The following NPY variants were observed in gnomAD, a reference collection of about 807,000 sequenced individuals.
The protein encoded by NPY is pro-neuropeptide Y.
NPY carries 11 observed loss-of-function variants against 13.2 expected under a neutral mutation model. The ratio of observed to expected loss-of-function variants is 0.83; its 90% CI spans 0.52 to 1.38. The LOEUF (loss-of-function observed/expected upper bound fraction) is 1.38, where lower values mean the gene tolerates loss of function less well. NPY is among the 40% of genes most tolerant of loss of function. The pLI is 0.00. For synonymous variants in NPY, 51 were observed against 55.6 expected (o/e 0.92, Z 0.37); for missense variants, 109 against 125.1 (o/e 0.87, Z 0.61).
intron 3 of NPY, among the ~76,000 whole-genome samples, chr7:24,289,946 G>C (rs754213432): frequency 3.3e-5 from 5 of 152,126 alleles, no homozygotes; most frequent in Non-Finnish European, 5.9e-5. Context: ...CTCTGGCTGG[G>C]AAGATCTGTA....
intron 2 of NPY, among the ~76,000 whole-genome samples, chr7:24,286,567 T>C (rs1186821638): frequency 6.6e-6 from 1 of 152,210 alleles, no homozygotes; most frequent in African/African-American, 2.4e-5. Flanking sequence ...GGAAGATTTA[T>C]ACTTTTAAAA....
chr7:24,285,314 T>G lies in NPY; in HGVS notation c.74T>G (p.Leu25Arg), dbSNP rs1347353614. 43 of 1,613,890 alleles carry G rather than the reference T, an allele frequency of 2.7e-5. No homozygotes were observed. The highest frequency in any genetic ancestry group is 3.4e-5 in the Non-Finnish European group (40 of 1,180,016). ...TCCCTGCTCGTGTGCCTGGGTGCGC[T>G]GGCCGAGGCGTACCCCTCCAAGCCG... ...ALSLLVCLGA[L>R]AEAYPSKPDN... Residue 25 changes from leucine to arginine, a missense_variant, in exon 2 of 4, where the codon CTG (leucine) becomes CGG (arginine). Coordinates refer to ENST00000242152, the MANE Select transcript of NPY (RefSeq NM_000905.4). The surrounding 1 kb of genome is among the most constrained non-coding windows in gnomAD (Gnocchi z 4.9).
Position 24,291,704 on chromosome 7 carries a change from C to T in NPY, c.*17C>T, listed in dbSNP as rs1562804326. 3.1e-6 allele frequency: 5 copies of T among 1,613,970 alleles called. No individual in the cohort carries two copies. Among genetic ancestry groups the T allele is most frequent in the Non-Finnish European group, 3.4e-6 (4 of 1,179,896 alleles). Reference sequence around the variant, plus strand: ...ATGTGGTGATGGGAAATGAGACTTGCTCTCTGGCCTTTTCCTATTTTCAGC... The same window carrying T: ...ATGTGGTGATGGGAAATGAGACTTGTTCTCTGGCCTTTTCCTATTTTCAGC... On this transcript the variant is annotated 3_prime_UTR_variant, in exon 4 of 4. Coordinates refer to ENST00000242152, the MANE Select transcript of NPY (RefSeq NM_000905.4).
intron 2 of NPY, 23 bp from the exon 3 acceptor site, chr7:24,289,476 T>C: frequency 1.3e-6 from 2 of 1,583,800 alleles, no homozygotes; most frequent in Non-Finnish European, 1.7e-6. Context: ...CAAACTTGCT[T>C]TAAAAGACTT....
chr7:24,284,516 G>C (rs1787280656), intron 1 of NPY, among the ~76,000 whole-genome samples: 1 of 152,206 alleles, frequency 6.6e-6, no homozygotes, highest in South Asian at 2.1e-4. Flanking sequence ...CTTCCCGCTG[G>C]GCGGTTCTTC....
chr7:24,286,002 A>G (rs1787359958), intron 2 of NPY, among the ~76,000 whole-genome samples: 1 of 152,196 alleles, frequency 6.6e-6, no homozygotes, highest in South Asian at 2.1e-4. Context: ...TCTCACTCCC[A>G]TATTTGAAAA....
At chr7:24,287,399 T>C (rs1014042169) in intron 2 of NPY, among the ~76,000 whole-genome samples, 3 of 152,194 alleles carry the variant, frequency 2.0e-5, no homozygotes, top group African/African-American at 7.2e-5. Flanking sequence ...TGGATGTGCT[T>C]TAATTTAGTA....
At chr7:24,289,353 G>A in intron 2 of NPY, 146 bp from the exon 3 acceptor site, 1 of 437,556 alleles carries the variant, frequency 2.3e-6, no homozygotes, top group Non-Finnish European at 4.0e-6. Flanking sequence ...GATAATATAT[G>A]CTTCATACAC....
In NPY at chr7:24,284,528, G is replaced by A. The variant is rs376665786; in HGVS notation, c.-1+253G>A. ...GCCCTTCCCGCTGGGCGGTTCTTCT[G>A]AGTTACCTTTTAGCAGATATGGAGG... On this transcript the variant is annotated intron_variant, in intron 1 of 3. Transcript: ENST00000242152. Among the ~76,000 whole-genome samples, 12 of 152,334 alleles carry A rather than the reference G, an allele frequency of 7.9e-5. No homozygotes were observed. The East Asian group carries it at 2.3e-3, about 30-fold the overall frequency.
In NPY at chr7:24,285,631, A is replaced by C. The variant is rs559033935; in HGVS notation, c.188+203A>C. Among the ~76,000 whole-genome samples the C allele has an allele frequency of 6.6e-6, 1 of 152,186 alleles. No individual in the cohort carries two copies. On this transcript the variant is annotated intron_variant, in intron 2 of 3. Coordinates refer to ENST00000242152, the MANE Select transcript of NPY (RefSeq NM_000905.4). The surrounding 1 kb of genome is among the most constrained non-coding windows in gnomAD (Gnocchi z 4.9). The stretch of plus-strand genomic sequence containing the variant: ...GGTACCTTCCATTTTGTGCAACTAC[A>C]GTCACAGAGTCGTGATCCCCAGATT...
intron 3 of NPY, among the ~76,000 whole-genome samples, chr7:24,291,407 G>C (rs759016145): frequency 6.6e-6 from 1 of 152,144 alleles, no homozygotes; most frequent in Non-Finnish European, 1.5e-5. Flanking sequence ...TACATACAGA[G>C]CCTTTCAAAT....
At position 24,285,327 on chromosome 7, in the gene NPY, C is replaced by G; in HGVS notation, c.87C>G (p.Tyr29Ter). 1 of 1,614,012 alleles carries G rather than the reference C, an allele frequency of 6.2e-7. No individual in the cohort carries two copies. The highest frequency in any genetic ancestry group is 1.3e-5 in the African/African-American group (1 of 75,028). The change falls in exon 2 of 4, where the codon TAC becomes TAG. Residue 29 changes from tyrosine to a stop codon, truncating the protein, a stop_gained. Coordinates refer to ENST00000242152, the MANE Select transcript of NPY (RefSeq NM_000905.4). LOFTEE classifies it high-confidence loss of function. This position sits in a 1 kb window ranked among gnomAD's most constrained non-coding sequence, Gnocchi z 4.9. ...GCCTGGGTGCGCTGGCCGAGGCGTA[C>G]CCCTCCAAGCCGGACAACCCGGGCG... ...LVCLGALAEAYPSKPDNPGED... is the reference protein window; with the variant it reads ...LVCLGALAEA
intron 3 of NPY, 136 bp from the exon 4 acceptor site, chr7:24,291,527 T>C (rs1787608674): frequency 2.1e-6 from 2 of 940,334 alleles, no homozygotes. Flanking sequence ...ACATGGCTTC[T>C]TATTTAGAAT....
At position 24,285,280 on chromosome 7, in the gene NPY, C is replaced by T. The variant is rs535222320; in HGVS notation, c.40C>T (p.Leu14Phe). 6.2e-7 allele frequency: 1 copy of T among 1,614,094 alleles called. No homozygotes were observed. The highest frequency in any genetic ancestry group is 1.1e-5 in the South Asian group (1 of 91,080). Residue 14 changes from leucine to phenylalanine, a missense_variant, in exon 2 of 4, where the codon CTC (leucine) becomes TTC (phenylalanine). Physicochemically the swap from Leu to Phe is conservative, Grantham distance 22. Coordinates refer to ENST00000242152, the MANE Select transcript of NPY (RefSeq NM_000905.4). This position sits in a 1 kb window ranked among gnomAD's most constrained non-coding sequence, Gnocchi z 4.9. ...GCGACTGGGGCTGTCCGGACTGACC[C>T]TCGCCCTGTCCCTGCTCGTGTGCCT... ...NKRLGLSGLT[L>F]ALSLLVCLGA...
intron 3 of NPY, among the ~76,000 whole-genome samples, chr7:24,290,778 T>TAATAATAATA (rs1787574577): frequency 1.2e-4 from 2 of 16,606 alleles, no homozygotes; most frequent in Non-Finnish European, 3.5e-4. Flanking sequence ...TAATAATAAT[T>TAATAATAATA]ATTATTATTA....
chr7:24,285,715 G>A lies in NPY; in HGVS notation c.188+287G>A, dbSNP rs550195735. On this transcript the variant is annotated intron_variant, in intron 2 of 3. Transcript: ENST00000242152. This position sits in a 1 kb window ranked among gnomAD's most constrained non-coding sequence, Gnocchi z 4.9. ...TCTCACTCACCTCTTATGGTTTGTT[G>A]TGGTTCTTACGGCAGTGGGGCCCGG... Among the ~76,000 whole-genome samples the A allele has an allele frequency of 3.3e-5, 5 of 152,220 alleles. No individual in the cohort carries two copies. The highest frequency in any genetic ancestry group is 9.6e-5 in the African/African-American group (4 of 41,526).
At chr7:24,290,581 C>T (rs547805970) in intron 3 of NPY, among the ~76,000 whole-genome samples, 2 of 151,864 alleles carry the variant, frequency 1.3e-5, no homozygotes, top group East Asian at 1.9e-4. Context: ...TCTAAAATGG[C>T]CAGCCAGCAT....
rs779363302 is a variant in NPY, at chr7:24,285,263, G to C, written c.23G>C (p.Gly8Ala). The change falls in exon 2 of 4, where the codon GGG becomes GCG. Residue 8 changes from glycine (G) to alanine (A), a missense_variant. Gly to Ala is a moderately conservative substitution (Grantham distance 60, BLOSUM62 0). Transcript: ENST00000242152. The surrounding 1 kb of genome is among the most constrained non-coding windows in gnomAD (Gnocchi z 4.9). ...CAGATGCTAGGTAACAAGCGACTGGGGCTGTCCGGACTGACCCTCGCCCTG... is the reference window on the plus strand; with the variant it reads ...CAGATGCTAGGTAACAAGCGACTGGCGCTGTCCGGACTGACCCTCGCCCTG... MLGNKRLGLSGLTLALSL... is the reference protein window; with the variant it reads MLGNKRLALSGLTLALSL... 3.7e-6 allele frequency: 6 copies of C among 1,613,970 alleles called. No homozygotes were observed. The highest frequency in any genetic ancestry group is 5.1e-6 in the Non-Finnish European group (6 of 1,179,984).
rs1787323582 is a variant in NPY, at chr7:24,285,374, T to C, written c.134T>C (p.Met45Thr). The stretch of plus-strand genomic sequence containing the variant: ...GGCGAGGACGCACCAGCGGAGGACA[T>C]GGCCAGATACTACTCGGCGCTGCGA... ...NPGEDAPAED[M>T]ARYYSALRHY... Residue 45 changes from methionine (M) to threonine (T), a missense_variant, in exon 2 of 4, where the codon ATG becomes ACG. Transcript: ENST00000242152. This position sits in a 1 kb window ranked among gnomAD's most constrained non-coding sequence, Gnocchi z 4.9. The C allele has an allele frequency of 6.2e-7, 1 of 1,613,896 alleles. No individual in the cohort carries two copies. Among genetic ancestry groups the C allele is most frequent in the Non-Finnish European group, 8.5e-7 (1 of 1,180,024 alleles).
Sources: allele counts gnomAD v4.1 joint callset (sites outside exome capture counted in the v4.1 genomes callset), GRCh38; gene constraint gnomAD v4.1.1; non-coding constraint Gnocchi (gnomAD v3.1); transcripts MANE v1.5; gene names NCBI Gene and HGNC (gene_info 2026-07-23, HGNC 2026-07-21).